The following FAM229A variants were observed in gnomAD, a reference collection of about 807,000 sequenced individuals.
The protein encoded by FAM229A is protein FAM229A.
Under a neutral mutation model 10.0 loss-of-function variants are expected in FAM229A, and 9 were observed. The observed-to-expected ratio is 0.90, with a 90% CI of 0.54 to 1.56. The LOEUF is 1.56. FAM229A is among the 40% of genes most tolerant of loss of function. FAM229A has a pLI of 0.00. For synonymous variants in FAM229A, 93 were observed against 90.1 expected (o/e 1.03, Z -0.19); for missense variants, 196 against 197.6 (o/e 0.99, Z 0.05).
At position 32,362,316 on chromosome 1, in the gene FAM229A, C is replaced by A; in HGVS notation, c.-225G>T. On this transcript the variant is annotated 5_prime_UTR_variant, in exon 1 of 3. Transcript: ENST00000432622. Reference sequence around the variant, plus strand: ...GCGAGGCGGCGTCCACGCCGAGGAGCCGCGCATTCCCGGTCCACACAGACG... The same window carrying A: ...GCGAGGCGGCGTCCACGCCGAGGAGACGCGCATTCCCGGTCCACACAGACG... 3.8e-6 allele frequency: 2 copies of A among 524,378 alleles called. No homozygotes were observed. Among genetic ancestry groups the A allele is most frequent in the Non-Finnish European group, 3.0e-6 (1 of 329,918 alleles). 32.5% of individuals were successfully genotyped at this position (524,378 alleles called of 1,614,324 possible). A position where few individuals can be genotyped will look rare whatever the true frequency, so the allele number is the denominator to read the frequency against.
At position 32,362,118 on chromosome 1, in the gene FAM229A, C is replaced by T. The variant is rs1641713800; in HGVS notation, c.-27G>A. On this transcript the variant is annotated 5_prime_UTR_variant, in exon 1 of 3. Coordinates refer to ENST00000432622, the MANE Select transcript of FAM229A (RefSeq NM_001167676.2). ...GTGACCCGGGCCGCGGCGCGCTGACCTCACAGAGCACGTTCCTCCCACTGG... is the reference window on the plus strand; with the variant it reads ...GTGACCCGGGCCGCGGCGCGCTGACTTCACAGAGCACGTTCCTCCCACTGG... 4 of 1,349,350 alleles carry T rather than the reference C, an allele frequency of 3.0e-6. No individual in the cohort carries two copies. The highest frequency in any genetic ancestry group is 2.8e-6 in the Non-Finnish European group (3 of 1,052,792). The allele number at this position is 1,349,350 out of a possible 1,614,324, so 83.6% of individuals were successfully genotyped here. A position where few individuals can be genotyped will look rare whatever the true frequency, so the allele number is the denominator to read the frequency against.
In FAM229A at chr1:32,361,534, G is replaced by T; in HGVS notation, c.283C>A (p.Pro95Thr). 2.2e-6 allele frequency: 3 copies of T among 1,346,560 alleles called. No individual in the cohort carries two copies. The highest frequency in any genetic ancestry group is 2.9e-6 in the Non-Finnish European group (3 of 1,047,716). 83.4% of individuals were successfully genotyped at this position (1,346,560 alleles called of 1,614,324 possible). A position where few individuals can be genotyped will look rare whatever the true frequency, so the allele number is the denominator to read the frequency against. The change falls in exon 3 of 3, where the codon CCG becomes ACG. Residue 95 changes from proline (P) to threonine (T), a missense_variant and splice_region_variant. Pro to Thr is a conservative substitution (Grantham distance 38). Coordinates refer to ENST00000432622, the MANE Select transcript of FAM229A (RefSeq NM_001167676.2). ...TGGCATCCAGGGCAGCGACGAAGCG[G>T]CCTGGGGAAATTGACGCGCGACAGG... ...AVATEHNPVR[P>T]LRRCPGCHCL... is the part of the protein sequence containing the mutation.
chr1:32,361,667 C>G (rs1018109659), intron 2 of FAM229A, 63 bp downstream of exon 2: 25 of 1,272,672 alleles, frequency 2.0e-5, no homozygotes, highest in Admixed American at 4.2e-5. Context: ...GCTGGGGGCG[C>G]CAAGTGGGAC....
chr1:32,362,255 AC>A lies in FAM229A; in HGVS notation c.-165del. 4 of 1,021,180 alleles carry A rather than the reference AC, an allele frequency of 3.9e-6. No individual in the cohort carries two copies. In the South Asian group the frequency reaches 1.4e-4, roughly 36 times the overall value. 63.3% of individuals were successfully genotyped at this position (1,021,180 alleles called of 1,614,324 possible). A position where few individuals can be genotyped will look rare whatever the true frequency, so the allele number is the denominator to read the frequency against. ...AGACGGGGTCGCGCAGACCCCGGAC[AC>A]CCGAGGGGGGCGCAGCAGGCCAGGG... On this transcript the variant is annotated 5_prime_UTR_variant, in exon 1 of 3. An upstream open reading frame in the 5' UTR loses its in-frame stop. Transcript: ENST00000432622.
Position 32,362,376 on chromosome 1 carries a change from A to G in FAM229A, c.-285T>C. ...GCCCTCCCAGGCGGGACTACAACTC[A>G]ATGCCTGGCACGGGGGCGGGCTCGG... On this transcript the variant is annotated 5_prime_UTR_variant, in exon 1 of 3. An upstream open reading frame in the 5' UTR loses its in-frame stop. Transcript: ENST00000432622. 2.1e-6 allele frequency: 1 copy of G among 470,458 alleles called. No homozygotes were observed. The highest frequency in any genetic ancestry group is 3.7e-6 in the Non-Finnish European group (1 of 271,656). 29.1% of individuals were successfully genotyped at this position (470,458 alleles called of 1,614,324 possible). A position where few individuals can be genotyped will look rare whatever the true frequency, so the allele number is the denominator to read the frequency against.
Position 32,362,190 on chromosome 1 carries a change from C to G in FAM229A, c.-99G>C, listed in dbSNP as rs1227653344. The stretch of plus-strand genomic sequence containing the variant: ...TGCCGCCCCTGGCACTCAGCGCGGG[C>G]CAGAATCGGGGACTGGAGGCCTCTG... On this transcript the variant is annotated 5_prime_UTR_variant, in exon 1 of 3. Coordinates refer to ENST00000432622, the MANE Select transcript of FAM229A (RefSeq NM_001167676.2). The G allele has an allele frequency of 3.1e-6, 4 of 1,288,026 alleles. No individual in the cohort carries two copies. Among genetic ancestry groups the G allele is most frequent in the Admixed American group, 8.2e-5 (2 of 24,500 alleles). The allele number at this position is 1,288,026 out of a possible 1,614,324, so 79.8% of individuals were successfully genotyped here. A position where few individuals can be genotyped will look rare whatever the true frequency, so the allele number is the denominator to read the frequency against.
intron 1 of FAM229A, 23 bp downstream of exon 1, chr1:32,361,935 C>T: frequency 3.5e-6 from 5 of 1,414,718 alleles, no homozygotes; most frequent in Non-Finnish European, 4.6e-6. Context: ...CGCCTCGCGC[C>T]CGCCCCCTGG....
Position 32,361,412 on chromosome 1 carries a change from A to C in FAM229A, c.*21T>G. 1 of 1,261,772 alleles carries C rather than the reference A, an allele frequency of 7.9e-7. No individual in the cohort carries two copies. The allele number at this position is 1,261,772 out of a possible 1,614,324, so 78.2% of individuals were successfully genotyped here. A position where few individuals can be genotyped will look rare whatever the true frequency, so the allele number is the denominator to read the frequency against. Reference sequence around the variant, plus strand: ...CCTCGTTCCCGCCCAGCTCCCGCGGAGCCGCAGGGAGCAGGCGCACTCACG... The same window carrying C: ...CCTCGTTCCCGCCCAGCTCCCGCGGCGCCGCAGGGAGCAGGCGCACTCACG... On this transcript the variant is annotated 3_prime_UTR_variant, in exon 3 of 3. Transcript: ENST00000432622.
intron 2 of FAM229A, 49 bp downstream of exon 2, chr1:32,361,681 G>T: frequency 7.8e-7 from 1 of 1,284,762 alleles, no homozygotes; most frequent in Non-Finnish European, 9.9e-7. Flanking sequence ...GTGGGACGGA[G>T]GGCGGGGCCG....
chr1:32,361,313 T>C lies in FAM229A; in HGVS notation c.*120A>G. The C allele has an allele frequency of 4.3e-6, 2 of 467,966 alleles. No individual in the cohort carries two copies. Among genetic ancestry groups the C allele is most frequent in the Non-Finnish European group, 7.0e-6 (2 of 287,206 alleles). 29.0% of individuals were successfully genotyped at this position (467,966 alleles called of 1,614,324 possible). Reference sequence around the variant, plus strand: ...CTGTGCTTTATTAAAATGTGCATCATTCTTTTATTTTAAAATGTGCATCAT... The same window carrying C: ...CTGTGCTTTATTAAAATGTGCATCACTCTTTTATTTTAAAATGTGCATCAT... On this transcript the variant is annotated 3_prime_UTR_variant, in exon 3 of 3. Transcript: ENST00000432622.
intron 1 of FAM229A, 36 bp from the exon 2 acceptor site, chr1:32,361,912 C>A: frequency 7.2e-7 from 1 of 1,379,422 alleles, no homozygotes; most frequent in South Asian, 1.6e-5. Flanking sequence ...TCTCCCGGGT[C>A]GCCGGGCGCC....
chr1:32,361,707 C>A, intron 2 of FAM229A, 23 bp downstream of exon 2: 1 of 875,844 alleles, frequency 1.1e-6, no homozygotes, highest in Non-Finnish European at 1.4e-6. Flanking sequence ...CGGGCGGAGG[C>A]GGGGGTGGGG....
In FAM229A at chr1:32,362,062, CCCGGGCCCGGGCGTCG is replaced by C; in HGVS notation, c.14_29del (p.Ser5CysfsTer43). On this transcript the variant is annotated frameshift_variant, in exon 1 of 3. Coordinates refer to ENST00000432622, the MANE Select transcript of FAM229A (RefSeq NM_001167676.2). LOFTEE classifies it high-confidence loss of function. ...GAGCCGGGCAGGTCTCTGTGGCGTGCCCGGGCCCGGGCGTCGAGGAGGGCAGCATTGTGACCCGGGC... is the reference window on the plus strand; with the variant it reads ...GAGCCGGGCAGGTCTCTGTGGCGTGCAGGAGGGCAGCATTGTGACCCGGGC... The C allele has an allele frequency of 7.0e-7, 1 of 1,433,522 alleles. No individual in the cohort carries two copies. Among genetic ancestry groups the C allele is most frequent in the Non-Finnish European group, 9.1e-7 (1 of 1,099,006 alleles). 88.8% of individuals were successfully genotyped at this position (1,433,522 alleles called of 1,614,324 possible). A position where few individuals can be genotyped will look rare whatever the true frequency, so the allele number is the denominator to read the frequency against.
chr1:32,361,825 T>C lies in FAM229A; in HGVS notation c.186A>G (p.Arg62=). The C allele has an allele frequency of 7.5e-7, 1 of 1,330,238 alleles. No homozygotes were observed. Among genetic ancestry groups the C allele is most frequent in the Non-Finnish European group, 9.6e-7 (1 of 1,043,324 alleles). The allele number at this position is 1,330,238 out of a possible 1,614,324, so 82.4% of individuals were successfully genotyped here. ...GGGAGTCTCCGGCCTCAATGGGGAA[T>C]CTCCGACCCTGCGGGGGCTCCTGGG... The part of the protein sequence containing the change: ...MSAQEPPQGR[R]FPIEAGDSRG... The change falls in exon 2 of 3, where the codon AGA becomes AGG. Residue 62 remains arginine, a synonymous_variant. Coordinates refer to ENST00000432622, the MANE Select transcript of FAM229A (RefSeq NM_001167676.2).
In FAM229A at chr1:32,362,432, T is replaced by C. The variant is rs1337643155; in HGVS notation, c.-341A>G. The C allele has an allele frequency of 1.4e-5, 7 of 488,920 alleles. No individual in the cohort carries two copies. Among genetic ancestry groups the C allele is most frequent in the Non-Finnish European group, 2.5e-5 (7 of 280,378 alleles). The allele number at this position is 488,920 out of a possible 1,614,324, so 30.3% of individuals were successfully genotyped here. A position where few individuals can be genotyped will look rare whatever the true frequency, so the allele number is the denominator to read the frequency against. On this transcript the variant is annotated 5_prime_UTR_variant, in exon 1 of 3. Coordinates refer to ENST00000432622, the MANE Select transcript of FAM229A (RefSeq NM_001167676.2). Reference sequence around the variant, plus strand: ...ACTTAATCCGGGCTGAGTTTGGTGGTGGTAGTGAGGGCAGGTAGGGGCACT... The same window carrying C: ...ACTTAATCCGGGCTGAGTTTGGTGGCGGTAGTGAGGGCAGGTAGGGGCACT...
In FAM229A at chr1:32,361,850, G is replaced by A. The variant is rs1275786432; in HGVS notation, c.161C>T (p.Ala54Val). ...GRAPRGLDMSAQEPPQGRRFP... is the reference protein window; with the variant it reads ...GRAPRGLDMSVQEPPQGRRFP... ...TCTCCGACCCTGCGGGGGCTCCTGG[G>A]CGCTCATGTCCAAGCCCCGGGGCGC... Residue 54 changes from alanine to valine, a missense_variant, in exon 2 of 3, where the codon GCC (alanine) becomes GTC (valine). Physicochemically the swap from Ala to Val is moderately conservative, Grantham distance 64 (BLOSUM62 0). Coordinates refer to ENST00000432622, the MANE Select transcript of FAM229A (RefSeq NM_001167676.2). 7.5e-6 allele frequency: 10 copies of A among 1,338,772 alleles called. No homozygotes were observed. Among genetic ancestry groups the A allele is most frequent in the Admixed American group, 4.1e-5 (1 of 24,324 alleles). The allele number at this position is 1,338,772 out of a possible 1,614,324, so 82.9% of individuals were successfully genotyped here. A position where few individuals can be genotyped will look rare whatever the true frequency, so the allele number is the denominator to read the frequency against.
At position 32,361,334 on chromosome 1, in the gene FAM229A, A is replaced by C; in HGVS notation, c.*99T>G. On this transcript the variant is annotated 3_prime_UTR_variant, in exon 3 of 3. Coordinates refer to ENST00000432622, the MANE Select transcript of FAM229A (RefSeq NM_001167676.2). ...ATCATTCTTTTATTTTAAAATGTGCATCATTGTCTCGTGCTCGGCGCATGC... is the reference window on the plus strand; with the variant it reads ...ATCATTCTTTTATTTTAAAATGTGCCTCATTGTCTCGTGCTCGGCGCATGC... The C allele has an allele frequency of 3.9e-6, 2 of 507,774 alleles. No homozygotes were observed. The highest frequency in any genetic ancestry group is 3.1e-6 in the Non-Finnish European group (1 of 321,726). The allele number at this position is 507,774 out of a possible 1,614,324, so 31.5% of individuals were successfully genotyped here.
rs1333167971 is a variant in FAM229A, at chr1:32,361,354, G to C, written c.*79C>G. 7 of 637,202 alleles carry C rather than the reference G, an allele frequency of 1.1e-5. No individual in the cohort carries two copies. The highest frequency in any genetic ancestry group is 1.6e-5 in the Non-Finnish European group (7 of 434,534). 39.5% of individuals were successfully genotyped at this position (637,202 alleles called of 1,614,324 possible). The stretch of plus-strand genomic sequence containing the variant: ...TGTGCATCATTGTCTCGTGCTCGGC[G>C]CATGCGACCTCAGCGTGGTGGCCCG... On this transcript the variant is annotated 3_prime_UTR_variant, in exon 3 of 3. Coordinates refer to ENST00000432622, the MANE Select transcript of FAM229A (RefSeq NM_001167676.2).
intron 2 of FAM229A, 37 bp downstream of exon 2, chr1:32,361,693 G>A (rs980736393): frequency 8.5e-6 from 11 of 1,289,164 alleles, no homozygotes; most frequent in African/African-American, 3.1e-5. Context: ...GCGGGGCCGC[G>A]GGACGGGCGG....
Sources: gnomAD v4.1 joint callset for allele counts on GRCh38, gnomAD v4.1.1 for gene constraint, MANE v1.5 for transcripts, NCBI Gene and HGNC (gene_info 2026-07-23, HGNC 2026-07-21) for gene names.